BRWD1: variants seen among roughly 807,000 people sequenced by gnomAD.
The protein encoded by BRWD1 is bromodomain and WD repeat domain containing 1.
BRWD1 carries 82 observed loss-of-function variants against 251.2 expected under a neutral mutation model. The observed-to-expected ratio is 0.33, with a 90% CI of 0.27 to 0.39. The LOEUF is 0.39. Ranked by LOEUF, BRWD1 falls within the 10% of genes least tolerant of loss-of-function variation. The pLI is 1.00. For synonymous variants in BRWD1, 918 were observed against 902.8 expected (o/e 1.02, Z -0.30); for missense variants, 2,233 against 2,711.6 (o/e 0.82, Z 3.92).
chr21:39,271,009 G>C (rs551681291), intron 13 of BRWD1, among the ~76,000 whole-genome samples: 1 of 152,266 alleles, frequency 6.6e-6, no homozygotes, highest in Admixed American at 6.5e-5. Context: ...AAAGTGTTAT[G>C]GAGGGCCAGA....
At chr21:39,311,764 A>G (rs565435164) in intron 4 of BRWD1, among the ~76,000 whole-genome samples, 3 of 152,364 alleles carry the variant, frequency 2.0e-5, no homozygotes, top group South Asian at 2.1e-4. Flanking sequence ...AGCAAATATT[A>G]AAATTATTTA....
At chr21:39,275,944 T>C (rs1343240511) in intron 12 of BRWD1, among the ~76,000 whole-genome samples, 8 of 151,844 alleles carry the variant, frequency 5.3e-5, no homozygotes, top group African/African-American at 1.9e-4. Context: ...AGGTAGAAGA[T>C]TAACTTGAAC....
Position 39,303,216 on chromosome 21 carries a change from A to G in BRWD1, c.199-4634T>C, listed in dbSNP as rs1040413507. Among the ~76,000 whole-genome samples, 7 of 152,102 alleles carry G rather than the reference A, an allele frequency of 4.6e-5. No individual in the cohort carries two copies. The East Asian group carries it at 5.8e-4, about 13-fold the overall frequency. ...CACCAAAAGAATAATAAAAGGATAT[A>G]TAACTAAAAAGAAATAAAGAGGCCG... is the stretch of plus-strand genomic sequence containing the variant. On this transcript the variant is annotated intron_variant, in intron 4 of 40. Transcript: ENST00000342449.
At chr21:39,294,852 C>T (rs1455143545) in intron 7 of BRWD1, among the ~76,000 whole-genome samples, 1 of 152,110 alleles carries the variant, frequency 6.6e-6, no homozygotes, top group African/African-American at 2.4e-5. Flanking sequence ...ATTCAAGAAA[C>T]ATTTGATTAT....
chr21:39,219,751 T>TTA (rs2033097754), intron 29 of BRWD1: 2 of 152,340 alleles, frequency 1.3e-5, no homozygotes, highest in East Asian at 3.9e-4. Context: ...TTAAGTCATA[T>TTA]GATGTAGTCT....
intron 36 of BRWD1, among the ~76,000 whole-genome samples, chr21:39,208,687 T>G (rs927267670): frequency 6.6e-6 from 1 of 152,126 alleles, no homozygotes; most frequent in Non-Finnish European, 1.5e-5. Context: ...GCGGTTCTCA[T>G]GCCTCGTGCC....
intron 18 of BRWD1, among the ~76,000 whole-genome samples, chr21:39,257,591 G>A (rs2034600447): frequency 2.0e-5 from 3 of 151,880 alleles, no homozygotes; most frequent in South Asian, 4.1e-4. Context: ...TTAGTTATTG[G>A]GACAACTGGG....
rs1487098118 is a variant in BRWD1 at position 39,232,210 on chromosome 21, A to G, written c.2967T>C (p.Pro989=). The G allele has an allele frequency of 6.2e-7, 1 of 1,613,234 alleles. No homozygotes were observed. Among genetic ancestry groups the G allele is most frequent in the Non-Finnish European group, 8.5e-7 (1 of 1,179,544 alleles). The change falls in exon 25 of 41, where the codon CCT becomes CCC. Residue 989 remains proline, a synonymous_variant. Transcript: ENST00000342449. ...VRRNNIYELN[P]NKEPWRKMDL... ...CCATTTTTCTCCATGGCTCCTTATT[A>G]GGGTTCAGTTCATAAATATTATTTC...
chr21:39,225,969 G>A (rs1445389538), intron 27 of BRWD1, among the ~76,000 whole-genome samples: 5 of 152,116 alleles, frequency 3.3e-5, no homozygotes, highest in South Asian at 4.2e-4. Flanking sequence ...ACAACTGAAT[G>A]TAATAATAAT....
intron 5 of BRWD1, 163 bp from the exon 6 acceptor site, chr21:39,296,526 A>T: frequency 8.0e-7 from 1 of 1,246,460 alleles, no homozygotes; most frequent in Non-Finnish European, 1.0e-6. Context: ...ATTTCTGAAG[A>T]AAAAGAAAAT....
chr21:39,269,933 G>C lies in BRWD1; in HGVS notation c.1496C>G (p.Thr499Arg). The C allele has an allele frequency of 6.4e-7, 1 of 1,564,930 alleles. No individual in the cohort carries two copies. Among genetic ancestry groups the C allele is most frequent in the East Asian group, 2.3e-5 (1 of 42,918 alleles). Residue 499 changes from threonine (T) to arginine (R), a missense_variant, in exon 15 of 41, where the codon ACA (threonine) becomes AGA (arginine). Thr to Arg is a moderately conservative substitution (Grantham distance 71). This residue lies in a region of BRWD1 where 315 missense variants were observed against 421.8 expected (regional missense o/e 0.75). Transcript: ENST00000342449. The part of the protein sequence containing the change: ...HDGSIFIWDI[T>R]KGTKMKHYFN... ...ATAATGTTTCATCTTGGTACCTTTT[G>C]TAATATCCCATATAAATATGCTGCC...
At chr21:39,272,206 G>A (rs546239300) in intron 13 of BRWD1, among the ~76,000 whole-genome samples, 24 of 151,342 alleles carry the variant, frequency 1.6e-4, no homozygotes, top group Non-Finnish European at 1.8e-4. Flanking sequence ...AGGGCGACGC[G>A]GGTGGATCAC....
rs765591795 is a variant in BRWD1, at chr21:39,196,754, T to A, written c.6315A>T (p.Gly2105=). 2.5e-6 allele frequency: 4 copies of A among 1,613,386 alleles called. No individual in the cohort carries two copies. Among genetic ancestry groups the A allele is most frequent in the Non-Finnish European group, 3.4e-6 (4 of 1,179,904 alleles). ...RWNGRRLRTY[G]KAPFSKTKVI... Reference sequence around the variant, plus strand: ...CTTTTGTCTTACTAAAAGGAGCCTTTCCATAGGTCCTGAGTCTTCTGCCAT... The same window carrying A: ...CTTTTGTCTTACTAAAAGGAGCCTTACCATAGGTCCTGAGTCTTCTGCCAT... Residue 2105 remains glycine (G), a synonymous_variant, in exon 41 of 41, where the codon GGA becomes GGT. Transcript: ENST00000342449.
chr21:39,266,814 TCTTAG>T, intron 15 of BRWD1, among the ~76,000 whole-genome samples: 1 of 152,376 alleles, frequency 6.6e-6, no homozygotes, highest in South Asian at 2.1e-4. Context: ...ATTATGAGCC[TCTTAG>T]CTGAGCAGTA....
At chr21:39,276,138 T>G in intron 12 of BRWD1, 35 bp downstream of exon 12, 2 of 1,552,502 alleles carry the variant, frequency 1.3e-6, no homozygotes, top group Non-Finnish European at 1.8e-6. Flanking sequence ...ATTTGCCTAA[T>G]AACACACACA....
intron 13 of BRWD1, among the ~76,000 whole-genome samples, chr21:39,273,140 A>G (rs2035171114): frequency 6.6e-6 from 1 of 152,184 alleles, no homozygotes; most frequent in Admixed American, 6.5e-5. Flanking sequence ...AAAACTAAAC[A>G]GTTTTCAGTC....
At chr21:39,255,622 T>A in intron 19 of BRWD1, 23 bp downstream of exon 19, 1 of 1,580,832 alleles carries the variant, frequency 6.3e-7, no homozygotes, top group Middle Eastern at 1.7e-4. Flanking sequence ...AGAAACATTA[T>A]AAATAGATAT....
intron 21 of BRWD1, among the ~76,000 whole-genome samples, chr21:39,239,217 T>C (rs562677100): frequency 6.6e-6 from 1 of 152,308 alleles, no homozygotes; most frequent in Non-Finnish European, 1.5e-5. Context: ...TTTTCTTTCA[T>C]GATTGTGCTT....
intron 8 of BRWD1, 140 bp downstream of exon 8, chr21:39,293,671 G>C: frequency 1.5e-6 from 1 of 673,006 alleles, no homozygotes; most frequent in Non-Finnish European, 2.5e-6. Flanking sequence ...TGATTTGTAT[G>C]ATTTGTATGA....
Sources: allele counts gnomAD v4.1 joint callset (sites outside exome capture counted in the v4.1 genomes callset), GRCh38; gene constraint gnomAD v4.1.1; regional missense constraint gnomAD v4.1.1; transcripts MANE v1.5; gene names NCBI Gene and HGNC (gene_info 2026-07-23, HGNC 2026-07-21).